The following MBNL1 variants were observed in gnomAD, a reference collection of about 807,000 sequenced individuals.
MBNL1 encodes the protein muscleblind like splicing regulator 1, also known as muscleblind-like protein 1.
Under a neutral mutation model 42.2 loss-of-function variants are expected in MBNL1, and 8 were observed. The observed-to-expected ratio is 0.19, with a 90% confidence interval of 0.11 to 0.34. The LOEUF (loss-of-function observed/expected upper bound fraction) is 0.34, where lower values mean the gene tolerates loss of function less well. Ranked by LOEUF, MBNL1 falls within the 10% of genes least tolerant of loss-of-function variation. The probability of loss-of-function intolerance (pLI) is 1.00; values close to 1 mark genes in which losing one functional copy is unlikely to be tolerated. For synonymous variants in MBNL1, 169 were observed against 173.9 expected (o/e 0.97, Z 0.22); for missense variants, 309 against 495.3 (o/e 0.62, Z 3.57).
At chr3:152,326,180 G>A (rs375092216) in intron 2 of MBNL1, among the ~76,000 whole-genome samples, 2 of 152,094 alleles carry the variant, frequency 1.3e-5, no homozygotes, top group Non-Finnish European at 2.9e-5. Context: ...GATTGTCACA[G>A]CAATGTCCTT....
intron 3 of MBNL1, among the ~76,000 whole-genome samples, chr3:152,423,356 G>A (rs1351690292): frequency 2.0e-5 from 3 of 152,086 alleles, no homozygotes; most frequent in South Asian, 4.1e-4. Context: ...TCCTGGACAC[G>A]TACAGCCTCC....
At chr3:152,347,643 C>T (rs1455715257) in intron 2 of MBNL1, among the ~76,000 whole-genome samples, 1 of 152,084 alleles carries the variant, frequency 6.6e-6, no homozygotes, top group Non-Finnish European at 1.5e-5. Context: ...AAGCACTGGA[C>T]TTGGAGTCAG....
chr3:152,368,964 A>G (rs1295764674), intron 2 of MBNL1, among the ~76,000 whole-genome samples: 1 of 152,212 alleles, frequency 6.6e-6, no homozygotes, highest in Non-Finnish European at 1.5e-5. Flanking sequence ...AGACAGAGAC[A>G]ATTTGACTTC....
At position 152,462,791 on chromosome 3, in the gene MBNL1, T is replaced by TATTTC. The variant is rs1748042181; in HGVS notation, c.*426_*430dup. The stretch of plus-strand genomic sequence containing the variant: ...AGATATAATTTTTTAAAAATAAGTT[T>TATTTC]ATTTCTTTCAAGGTTTACAAATAAC... On this transcript the variant is annotated 3_prime_UTR_variant, in exon 10 of 10. Transcript: ENST00000324210. The TATTTC allele has an allele frequency of 6.6e-6, 1 of 152,220 alleles. No homozygotes were observed. Among genetic ancestry groups the TATTTC allele is most frequent in the Admixed American group, 6.5e-5 (1 of 15,288 alleles). 9.4% of individuals were successfully genotyped at this position (152,220 alleles called of 1,614,324 possible). A position where few individuals can be genotyped will look rare whatever the true frequency, so the allele number is the denominator to read the frequency against.
chr3:152,272,576 T>G (rs1434535288), intron 1 of MBNL1, among the ~76,000 whole-genome samples: 1 of 145,952 alleles, frequency 6.9e-6, no homozygotes, highest in Non-Finnish European at 1.5e-5. Context: ...TTTAGAAAGT[T>G]AAAAAAAAAA....
At chr3:152,415,172 C>A in intron 3 of MBNL1, 61 bp downstream of exon 3, 2 of 1,422,398 alleles carry the variant, frequency 1.4e-6, no homozygotes, top group Non-Finnish European at 1.9e-6. Context: ...AGTTGTAGTA[C>A]TAAAGTGATT....
At chr3:152,347,367 A>G (rs981301458) in intron 2 of MBNL1, among the ~76,000 whole-genome samples, 1 of 152,114 alleles carries the variant, frequency 6.6e-6, no homozygotes, top group African/African-American at 2.4e-5. Flanking sequence ...AAAAAAATAT[A>G]TTTTTATAGA....
intron 2 of MBNL1, among the ~76,000 whole-genome samples, chr3:152,350,946 G>T (rs960587736): frequency 8.5e-5 from 13 of 152,168 alleles, no homozygotes; most frequent in Non-Finnish European, 7.4e-5. Flanking sequence ...CTTAGGGGAA[G>T]AAGTTTCATA....
At chr3:152,419,196 T>A (rs7624140) in intron 3 of MBNL1, among the ~76,000 whole-genome samples, 2,615 of 152,210 alleles carry the variant, frequency 0.017, 68 homozygotes, top group African/African-American at 0.06. Flanking sequence ...CTTTTTTTTT[T>A]AATCATATGT....
intron 2 of MBNL1, among the ~76,000 whole-genome samples, chr3:152,345,252 C>T (rs371379957): frequency 2.4e-4 from 36 of 152,140 alleles, no homozygotes; most frequent in African/African-American, 7.5e-4. Flanking sequence ...AACTTAGATA[C>T]CTTGAGTACC....
chr3:152,451,250 T>C (rs1580754389), intron 6 of MBNL1, among the ~76,000 whole-genome samples: 1 of 152,320 alleles, frequency 6.6e-6, no homozygotes, highest in South Asian at 2.1e-4. Context: ...AGTAGTTTGC[T>C]GGCAAAAGAT....
chr3:152,340,657 G>A (rs2092926742), intron 2 of MBNL1: 3 of 1,614,018 alleles, frequency 1.9e-6, no homozygotes, highest in African/African-American at 1.3e-5. Context: ...GTTCCAGAGT[G>A]TTAGAATCTT....
intron 1 of MBNL1, among the ~76,000 whole-genome samples, chr3:152,288,998 GTAGA>G (rs2054267035): frequency 6.6e-6 from 1 of 152,054 alleles, no homozygotes; most frequent in South Asian, 2.1e-4. Flanking sequence ...AATTTACAGT[GTAGA>G]TAAAGTACAG....
chr3:152,458,470 T>C (rs915840432), intron 8 of MBNL1: 49 of 384,072 alleles, frequency 1.3e-4, no homozygotes, highest in Admixed American at 6.6e-4. Flanking sequence ...CATAGAGTAA[T>C]GAGTTGCTTT....
intron 2 of MBNL1, among the ~76,000 whole-genome samples, chr3:152,314,224 A>G (rs2068956720): frequency 6.6e-6 from 1 of 151,702 alleles, no homozygotes; most frequent in Admixed American, 6.6e-5. Flanking sequence ...TTGGTCAAAT[A>G]TCTACCACTC....
chr3:152,341,045 C>T lies in MBNL1; in HGVS notation c.174+40678C>T, dbSNP rs912465641. ...TAAAATGAAAAGATGTTTAACAAAG[C>T]ATTTTATTCATATATGAAAACATTC... On this transcript the variant is annotated intron_variant, in intron 2 of 9. Coordinates refer to ENST00000324210, the MANE Select transcript of MBNL1 (RefSeq NM_021038.5). The T allele has an allele frequency of 6.9e-6, 7 of 1,014,636 alleles. No homozygotes were observed. In the Admixed American group the frequency reaches 2.1e-4, roughly 31 times the overall value. The allele number at this position is 1,014,636 out of a possible 1,614,324, so 62.9% of individuals were successfully genotyped here. A position where few individuals can be genotyped will look rare whatever the true frequency, so the allele number is the denominator to read the frequency against.
intron 2 of MBNL1, among the ~76,000 whole-genome samples, chr3:152,334,142 T>C (rs974152279): frequency 4.6e-5 from 7 of 152,230 alleles, no homozygotes; most frequent in Non-Finnish European, 8.8e-5. Context: ...GATGCAATAC[T>C]TTTATACTTA....
intron 1 of MBNL1, among the ~76,000 whole-genome samples, chr3:152,294,278 C>CT (rs201018898): frequency 0.026 from 3,084 of 120,614 alleles, 72 homozygotes; most frequent in African/African-American, 0.054. Context: ...AAGTTTGATT[C>CT]TTTTTTTTTT....
intron 4 of MBNL1, among the ~76,000 whole-genome samples, chr3:152,442,963 T>TA (rs3839087): frequency 0.15 from 21,932 of 151,172 alleles, 1,643 homozygotes; most frequent in Middle Eastern, 0.18. Context: ...CCGTAAGCTG[T>TA]AAAAAAAAAT....
Sources: allele counts gnomAD v4.1 joint callset (sites outside exome capture counted in the v4.1 genomes callset), GRCh38; gene constraint gnomAD v4.1.1; transcripts MANE v1.5; gene names NCBI Gene and HGNC (gene_info 2026-07-23, HGNC 2026-07-21).